The following RIMS2 variants were observed in gnomAD, a reference collection of about 807,000 sequenced individuals.
RIMS2 encodes regulating synaptic membrane exocytosis protein 2.
In RIMS2, 59 loss-of-function variants were observed where a neutral mutation model predicts 174.4. The observed-to-expected ratio is 0.34, with a 90% CI of 0.27 to 0.42. The LOEUF (loss-of-function observed/expected upper bound fraction) is 0.42. Among genes scored for constraint, RIMS2 ranks in the 10% least tolerant of loss-of-function variants. RIMS2 has a pLI of 1.00. For synonymous variants in RIMS2, 606 were observed against 572.5 expected (o/e 1.06, Z -0.84); for missense variants, 1,620 against 1,666.3 (o/e 0.97, Z 0.48).
intron 1 of RIMS2, among the ~76,000 whole-genome samples, chr8:103,643,067 C>T (rs1168586950): frequency 2.0e-5 from 3 of 151,862 alleles, no homozygotes; most frequent in Admixed American, 6.6e-5. Flanking sequence ...AATTGTCCCT[C>T]AGTTTTTGAA....
At chr8:103,575,883 G>A (rs79451166) in intron 1 of RIMS2, among the ~76,000 whole-genome samples, 1,531 of 152,068 alleles carry the variant, frequency 0.01, 29 homozygotes, top group African/African-American at 0.035. Context: ...CAAAACTACA[G>A]TTTCTACACT....
chr8:103,719,059 G>C lies in RIMS2; in HGVS notation c.387+21763G>C, dbSNP rs145605306. The stretch of plus-strand genomic sequence containing the variant: ...TAACTGGGAATGGCTGTGTGACACA[G>C]TTCTAGCAAATGAGTTATAAGAAAG... On this transcript the variant is annotated intron_variant, in intron 2 of 23. Coordinates refer to ENST00000504942, the Ensembl canonical transcript of RIMS2. 1.3e-3 allele frequency among the ~76,000 whole-genome samples: 204 copies of C among 152,248 alleles called. 1 individual carries two copies. The highest frequency in any genetic ancestry group is 4.6e-3 in the African/African-American group (191 of 41,546).
At chr8:103,855,054 C>G (rs2099020212) in intron 3 of RIMS2, among the ~76,000 whole-genome samples, 2 of 151,908 alleles carry the variant, frequency 1.3e-5, no homozygotes, top group South Asian at 4.2e-4. Context: ...TTGGTCTATT[C>G]AGGGTTTCAA....
chr8:104,034,462 CTTTTT>C lies in RIMS2; in HGVS notation c.3334+19868_3334+19872del, dbSNP rs200907072. On this transcript the variant is annotated intron_variant, in intron 19 of 23. Transcript: ENST00000504942. ...AAAACAAGTGATTTACTTGCAGTAT[CTTTTT>C]TTTTTTTTTTTTTTTTTTTTGAAAC... Among the ~76,000 whole-genome samples the C allele has an allele frequency of 5.4e-3, 635 of 118,310 alleles. 5 individuals are homozygous for C. Among genetic ancestry groups the C allele is most frequent in the African/African-American group, 0.018 (614 of 33,662 alleles). 77.6% of individuals were successfully genotyped at this position (118,310 alleles called of 152,430 possible). A position where few individuals can be genotyped will look rare whatever the true frequency, so the allele number is the denominator to read the frequency against.
chr8:104,014,640 GT>G, intron 19 of RIMS2, 25 bp downstream of exon 21: 1 of 1,418,010 alleles, frequency 7.1e-7, no homozygotes, highest in Non-Finnish European at 1.0e-6. Context: ...TAATTGTCTC[GT>G]TTAGGAAATA....
At chr8:104,195,385 A>G (rs188846760) in intron 19 of RIMS2, among the ~76,000 whole-genome samples, 85 of 152,272 alleles carry the variant, frequency 5.6e-4, no homozygotes, top group African/African-American at 2.0e-3. Context: ...TTTGACAAAG[A>G]AGATAAAGCA....
At chr8:103,564,929 T>C (rs2132107571) in intron 1 of RIMS2, among the ~76,000 whole-genome samples, 1 of 152,302 alleles carries the variant, frequency 6.6e-6, no homozygotes, top group African/African-American at 2.4e-5. Context: ...TGGTTATCTT[T>C]TTAAAGAGTG....
chr8:103,947,744 A>G (rs995459504), intron 14 of RIMS2, among the ~76,000 whole-genome samples: 7 of 152,200 alleles, frequency 4.6e-5, no homozygotes, highest in Non-Finnish European at 7.3e-5. Context: ...ATACTATAGT[A>G]GACTTTATAA....
chr8:103,564,860 G>A (rs1434653704), intron 1 of RIMS2, among the ~76,000 whole-genome samples: 2 of 152,144 alleles, frequency 1.3e-5, no homozygotes, highest in Admixed American at 6.5e-5. Flanking sequence ...ATCCAATCAA[G>A]TTGACACTCA....
rs555513676 is a variant in RIMS2, at chr8:103,909,707, A to G, written c.1625-427A>G. On this transcript the variant is annotated intron_variant, in intron 4 of 23. Coordinates refer to ENST00000504942, the Ensembl canonical transcript of RIMS2. ...TACTGGCTATTGCAAACCAATGTAA[A>G]CTTTTTAAATGTCCCTTAATCTTTG... Among the ~76,000 whole-genome samples, 506 of 152,208 alleles carry G rather than the reference A, an allele frequency of 3.3e-3. 3 individuals are homozygous for G. The highest frequency in any genetic ancestry group is 0.012 in the African/African-American group (479 of 41,568).
At chr8:103,964,600 C>T (rs772770424) in intron 15 of RIMS2, among the ~76,000 whole-genome samples, 1 of 152,052 alleles carries the variant, frequency 6.6e-6, no homozygotes, top group Non-Finnish European at 1.5e-5. Context: ...CACATATTTT[C>T]TCTCTTCTGT....
At chr8:104,222,257 G>A (rs1238754848) in intron 19 of RIMS2, among the ~76,000 whole-genome samples, 1 of 151,988 alleles carries the variant, frequency 6.6e-6, no homozygotes, top group East Asian at 1.9e-4. Context: ...TAGCTGCTTT[G>A]ATCACTGTTG....
chr8:104,250,586 C>T (rs2099355862), intron 22 of RIMS2, among the ~76,000 whole-genome samples: 2 of 146,306 alleles, frequency 1.4e-5, no homozygotes. Flanking sequence ...CATGAAATTC[C>T]ACTACTGTTA....
intron 2 of RIMS2, among the ~76,000 whole-genome samples, chr8:103,720,638 C>T (rs1289696083): frequency 6.6e-6 from 1 of 152,152 alleles, no homozygotes; most frequent in African/African-American, 2.4e-5. Flanking sequence ...GACCAGCATT[C>T]TTACATTGTT....
At chr8:103,900,450 C>G (rs1378530985) in intron 4 of RIMS2, among the ~76,000 whole-genome samples, 1 of 148,652 alleles carries the variant, frequency 6.7e-6, no homozygotes, top group Non-Finnish European at 1.5e-5. Context: ...TATAGTAGTT[C>G]TTAATTCCAC....
intron 1 of RIMS2, among the ~76,000 whole-genome samples, chr8:103,592,208 G>A (rs1468211741): frequency 6.6e-6 from 1 of 151,064 alleles, no homozygotes; most frequent in Non-Finnish European, 1.5e-5. Flanking sequence ...TTTTCTTTCT[G>A]TTATTTACTT....
chr8:104,003,604 G>C (rs2095469858), intron 17 of RIMS2, among the ~76,000 whole-genome samples: 1 of 152,040 alleles, frequency 6.6e-6, no homozygotes, highest in Non-Finnish European at 1.5e-5. Flanking sequence ...AGTAGAGATG[G>C]TTTTTCCCCA....
At chr8:104,247,274 T>C (rs1004714737) in intron 20 of RIMS2, among the ~76,000 whole-genome samples, 17 of 152,328 alleles carry the variant, frequency 1.1e-4, no homozygotes, top group Non-Finnish European at 2.5e-4. Context: ...TTCTCACAGA[T>C]CAGTAGGCTA....
intron 15 of RIMS2, among the ~76,000 whole-genome samples, chr8:103,962,770 G>T (rs765471541): frequency 1.2e-4 from 18 of 152,024 alleles, no homozygotes; most frequent in Non-Finnish European, 2.5e-4. Context: ...GACTACAGGT[G>T]CACACTACCT....
Sources: allele counts gnomAD v4.1 joint callset (sites outside exome capture counted in the v4.1 genomes callset), GRCh38; gene constraint gnomAD v4.1.1; transcripts MANE v1.5; gene names NCBI Gene and HGNC (gene_info 2026-07-23, HGNC 2026-07-21).